Variants in GRM8 observed in about 807,000 individuals in gnomAD.
GRM8 encodes the protein metabotropic glutamate receptor 8.
Under a neutral mutation model 87.2 loss-of-function variants are expected in GRM8, and 47 were observed. That is an observed-to-expected ratio of 0.54 (90% CI 0.43 to 0.69). GRM8 has a LOEUF of 0.69. Among genes scored for constraint, GRM8 ranks in the 30% least tolerant of loss-of-function variants. GRM8 has a pLI of 0.00. For synonymous variants in GRM8, 396 were observed against 404.5 expected (o/e 0.98, Z 0.25); for missense variants, 1,019 against 1,139.2 (o/e 0.89, Z 1.52).
chr7:126,572,433 G>A (rs564921481), intron 8 of GRM8, among the ~76,000 whole-genome samples: 149 of 152,098 alleles, frequency 9.8e-4, no homozygotes, highest in Non-Finnish European at 1.8e-3. Context: ...GACAACATCC[G>A]ATGGCTGCTC....
intron 8 of GRM8, among the ~76,000 whole-genome samples, chr7:126,578,013 G>A (rs972616666): frequency 2.0e-5 from 3 of 152,016 alleles, no homozygotes; most frequent in African/African-American, 7.2e-5. Context: ...CAATCAAACT[G>A]ATTTCAATGA....
chr7:127,073,041 A>C (rs1821879201), intron 3 of GRM8, among the ~76,000 whole-genome samples: 1 of 151,964 alleles, frequency 6.6e-6, no homozygotes, highest in African/African-American at 2.4e-5. Flanking sequence ...GGGGAGAGAA[A>C]GTGAAGGGGA....
chr7:126,620,503 A>G (rs1800018390), intron 7 of GRM8, among the ~76,000 whole-genome samples: 1 of 152,110 alleles, frequency 6.6e-6, no homozygotes, highest in African/African-American at 2.4e-5. Flanking sequence ...GATATATTCA[A>G]TGAAGGTTTT....
chr7:127,105,100 A>G (rs1825686659), intron 3 of GRM8, among the ~76,000 whole-genome samples: 1 of 152,218 alleles, frequency 6.6e-6, no homozygotes, highest in Non-Finnish European at 1.5e-5. Context: ...CTTAAATAAT[A>G]CATTAACCCT....
At chr7:127,145,663 T>C (rs1238067019) in intron 2 of GRM8, among the ~76,000 whole-genome samples, 1 of 152,100 alleles carries the variant, frequency 6.6e-6, no homozygotes, top group Non-Finnish European at 1.5e-5. Context: ...AAAATAAATA[T>C]GGGCCATTCA....
intron 6 of GRM8, among the ~76,000 whole-genome samples, chr7:126,823,790 G>C (rs1380220731): frequency 6.6e-6 from 1 of 152,158 alleles, no homozygotes; most frequent in African/African-American, 2.4e-5. Context: ...CACTTGAATA[G>C]TTGAGAGGTA....
chr7:127,234,683 G>A (rs940847915), intron 2 of GRM8, among the ~76,000 whole-genome samples: 1 of 152,086 alleles, frequency 6.6e-6, no homozygotes, highest in African/African-American at 2.4e-5. Context: ...CCCCACCCCG[G>A]GCCTCCCCGG....
intron 8 of GRM8, among the ~76,000 whole-genome samples, chr7:126,551,057 A>T (rs1461118125): frequency 6.6e-6 from 1 of 151,988 alleles, no homozygotes; most frequent in South Asian, 2.1e-4. Flanking sequence ...ATAATATAAT[A>T]TTGCTGTATT....
At chr7:126,641,407 T>C (rs1460228599) in intron 7 of GRM8, among the ~76,000 whole-genome samples, 2 of 152,190 alleles carry the variant, frequency 1.3e-5, no homozygotes, top group Non-Finnish European at 2.9e-5. Context: ...TTCAAGAAGC[T>C]TACCTTTATT....
chr7:127,130,269 G>A (rs375141610), intron 2 of GRM8, among the ~76,000 whole-genome samples: 22 of 151,980 alleles, frequency 1.4e-4, no homozygotes, highest in African/African-American at 5.3e-4. Flanking sequence ...AATTGGTACA[G>A]GGAGTGGGGT....
chr7:126,646,288 AAGGAAGGAAGGAAGGAAAGAAG>A, intron 7 of GRM8, among the ~76,000 whole-genome samples: 1 of 151,156 alleles, frequency 6.6e-6, no homozygotes, highest in East Asian at 2.0e-4. Context: ...GGAAGGAAGG[AAGGAAGGAAGGAAGGAAAGAAG>A]GAAGGAAGGA....
At chr7:127,133,916 T>G (rs1162025251) in intron 2 of GRM8, among the ~76,000 whole-genome samples, 1 of 152,106 alleles carries the variant, frequency 6.6e-6, no homozygotes, top group African/African-American at 2.4e-5. Flanking sequence ...GAAAAGTATA[T>G]TTATTGAGAC....
intron 3 of GRM8, among the ~76,000 whole-genome samples, chr7:126,985,798 C>T (rs7798173): frequency 2.6e-5 from 4 of 152,168 alleles, no homozygotes; most frequent in African/African-American, 9.7e-5. Flanking sequence ...TTAATAAAGG[C>T]AGGTTCCTCA....
At chr7:126,515,763 C>CA (rs1812080707) in intron 9 of GRM8, among the ~76,000 whole-genome samples, 1 of 152,108 alleles carries the variant, frequency 6.6e-6, no homozygotes, top group African/African-American at 2.4e-5. Context: ...CCTCCCTCTT[C>CA]CATATCTGAG....
At chr7:127,124,264 C>T (rs907046500) in intron 2 of GRM8, among the ~76,000 whole-genome samples, 2 of 152,096 alleles carry the variant, frequency 1.3e-5, no homozygotes, top group African/African-American at 2.4e-5. Context: ...GGCTTTTGTC[C>T]CAGGGCTGTA....
chr7:127,118,752 C>T (rs981658834), intron 2 of GRM8, among the ~76,000 whole-genome samples: 1 of 152,198 alleles, frequency 6.6e-6, no homozygotes, highest in Non-Finnish European at 1.5e-5. Flanking sequence ...CTCTCCGCTA[C>T]TTTGGGTCCA....
chr7:126,561,161 A>G (rs1793648663), intron 8 of GRM8, among the ~76,000 whole-genome samples: 1 of 152,152 alleles, frequency 6.6e-6, no homozygotes, highest in African/African-American at 2.4e-5. Context: ...GTACTTCCTC[A>G]GAAAAAACAG....
At chr7:126,902,362 T>A (rs1292013682) in intron 6 of GRM8, among the ~76,000 whole-genome samples, 180 bp downstream of exon 6, 1 of 152,168 alleles carries the variant, frequency 6.6e-6, no homozygotes, top group East Asian at 1.9e-4. Context: ...AAAGAACCAA[T>A]AAACAAATTT....
At chr7:126,898,398 T>C (rs1403429453) in intron 6 of GRM8, among the ~76,000 whole-genome samples, 2 of 152,190 alleles carry the variant, frequency 1.3e-5, no homozygotes, top group Admixed American at 6.5e-5. Flanking sequence ...AAAACTGTCA[T>C]ATGTTGCTTT....
Sources: gnomAD v4.1 joint callset for allele counts (sites outside exome capture counted in the v4.1 genomes callset) on GRCh38, gnomAD v4.1.1 for gene constraint, MANE v1.5 for transcripts, NCBI Gene and HGNC (gene_info 2026-07-23, HGNC 2026-07-21) for gene names.